NCAM2: variants seen among roughly 807,000 people sequenced by gnomAD.
NCAM2 encodes N-CAM-2.
In NCAM2, 30 loss-of-function variants were observed where a neutral mutation model predicts 98.1. The observed-to-expected ratio is 0.31, with a 90% CI of 0.23 to 0.41. The LOEUF is 0.41. Among genes scored for constraint, NCAM2 ranks in the 10% least tolerant of loss-of-function variants. The probability of loss-of-function intolerance (pLI) is 1.00; values close to 1 mark genes in which losing one functional copy is unlikely to be tolerated. For synonymous variants in NCAM2, 368 were observed against 342.4 expected, an observed-to-expected ratio of 1.07 and a Z score of -0.83; for missense variants, 867 against 1,005.8, an observed-to-expected ratio of 0.86 and a Z score of 1.87.
intron 6 of NCAM2, among the ~76,000 whole-genome samples, chr21:21,331,517 C>CTCTCTCTCTATATATATATA (rs1483062198): frequency 5.6e-3 from 39 of 6,940 alleles, no homozygotes; most frequent in African/African-American, 0.021. Flanking sequence ...CTCTCTCTCT[C>CTCTCTCTCTATATATATATA]TATATATATA....
intron 11 of NCAM2, among the ~76,000 whole-genome samples, chr21:21,420,470 T>C (rs1284673291): frequency 2.0e-5 from 3 of 152,012 alleles, no homozygotes; most frequent in African/African-American, 7.2e-5. Context: ...TAAAGTAATA[T>C]CAGAAAATTA....
intron 1 of NCAM2, among the ~76,000 whole-genome samples, chr21:21,090,527 CA>C (rs1463034296): frequency 6.6e-6 from 1 of 152,156 alleles, no homozygotes; most frequent in Non-Finnish European, 1.5e-5. Context: ...ACTTCCTTTT[CA>C]AGAAATATCC....
intron 1 of NCAM2, among the ~76,000 whole-genome samples, chr21:21,209,004 C>CA (rs2069545879): frequency 6.6e-6 from 1 of 152,034 alleles, no homozygotes; most frequent in African/African-American, 2.4e-5. Context: ...ATTGATGCCT[C>CA]ATCTGTGTTG....
At chr21:21,307,072 T>TC (rs2073903133) in intron 5 of NCAM2, among the ~76,000 whole-genome samples, 1 of 151,704 alleles carries the variant, frequency 6.6e-6, no homozygotes, top group Non-Finnish European at 1.5e-5. Flanking sequence ...GTTGTGGTTT[T>TC]TTAATCCATT....
Position 21,257,901 on chromosome 21 carries a change from G to T in NCAM2, c.56-22677G>T, listed in dbSNP as rs189317373. The stretch of plus-strand genomic sequence containing the variant: ...GGGCCCCCAATGTTGATTGTTATGT[G>T]ATTGGTCTACTCACACACGTATGGT... On this transcript the variant is annotated intron_variant, in intron 1 of 17. Transcript: ENST00000400546. 3.9e-5 allele frequency among the ~76,000 whole-genome samples: 6 copies of T among 152,278 alleles called. No individual in the cohort carries two copies. In the East Asian group the frequency reaches 9.7e-4, roughly 25 times the overall value.
intron 1 of NCAM2, among the ~76,000 whole-genome samples, chr21:21,110,690 A>C (rs767127896): frequency 6.6e-6 from 1 of 151,634 alleles, no homozygotes. Flanking sequence ...GATTTTATTA[A>C]AACAATTATT....
At chr21:21,391,645 A>C (rs535448639) in intron 9 of NCAM2, among the ~76,000 whole-genome samples, 1 of 152,228 alleles carries the variant, frequency 6.6e-6, no homozygotes, top group African/African-American at 2.4e-5. Flanking sequence ...CAACACTAAC[A>C]TGTCTTCTCT....
At chr21:21,514,246 C>G (rs1453276328) in intron 16 of NCAM2, among the ~76,000 whole-genome samples, 1 of 150,972 alleles carries the variant, frequency 6.6e-6, no homozygotes, top group African/African-American at 2.4e-5. Flanking sequence ...GAGGCTGAGG[C>G]GGGTGGATCA....
intron 1 of NCAM2, among the ~76,000 whole-genome samples, chr21:21,060,723 C>A (rs2065303846): frequency 6.6e-6 from 1 of 152,030 alleles, no homozygotes; most frequent in Non-Finnish European, 1.5e-5. Context: ...GACATTTACC[C>A]ACACATATAG....
chr21:21,238,290 A>G (rs1304340603), intron 1 of NCAM2, among the ~76,000 whole-genome samples: 1 of 152,034 alleles, frequency 6.6e-6, no homozygotes, highest in Non-Finnish European at 1.5e-5. Flanking sequence ...TTGCCTTAAG[A>G]ACTGATTATT....
intron 1 of NCAM2, among the ~76,000 whole-genome samples, chr21:21,147,450 C>A (rs1341053457): frequency 6.6e-6 from 1 of 151,732 alleles, no homozygotes; most frequent in Non-Finnish European, 1.5e-5. Context: ...TGCCCTGTCC[C>A]CTAGGCTGGA....
chr21:21,442,761 G>T (rs186432348), intron 12 of NCAM2, among the ~76,000 whole-genome samples: 12 of 152,236 alleles, frequency 7.9e-5, no homozygotes. Flanking sequence ...ATATAATAAT[G>T]AGTTACCTAA....
chr21:21,398,091 A>T (rs2076552795), intron 9 of NCAM2, among the ~76,000 whole-genome samples: 1 of 152,236 alleles, frequency 6.6e-6, no homozygotes, highest in Non-Finnish European at 1.5e-5. Context: ...CATATGAAGG[A>T]ACAAAATAAT....
chr21:21,120,511 G>A (rs1231516252), intron 1 of NCAM2, among the ~76,000 whole-genome samples: 1 of 152,026 alleles, frequency 6.6e-6, no homozygotes, highest in African/African-American at 2.4e-5. Context: ...GCAGCATGGG[G>A]TAGATTCGAA....
chr21:21,297,218 G>A (rs886950527), intron 5 of NCAM2, among the ~76,000 whole-genome samples: 3 of 151,608 alleles, frequency 2.0e-5, no homozygotes, highest in African/African-American at 7.3e-5. Context: ...AAATGAGTAA[G>A]GACGTGCATA....
intron 1 of NCAM2, among the ~76,000 whole-genome samples, chr21:21,215,699 G>A (rs1184729228): frequency 6.6e-6 from 1 of 152,076 alleles, no homozygotes; most frequent in African/African-American, 2.4e-5. Flanking sequence ...CTGCACTGCA[G>A]CCTAGGCGAC....
At chr21:21,282,162 T>A (rs1316012724) in intron 2 of NCAM2, among the ~76,000 whole-genome samples, 1 of 151,896 alleles carries the variant, frequency 6.6e-6, no homozygotes, top group African/African-American at 2.4e-5. Context: ...CCATATTTTA[T>A]TAATATCCTC....
intron 1 of NCAM2, among the ~76,000 whole-genome samples, chr21:21,065,382 G>A (rs75856502): frequency 6.6e-6 from 1 of 151,598 alleles, no homozygotes; most frequent in Non-Finnish European, 1.5e-5. Context: ...TTTATTGCTT[G>A]TACTTATATC....
intron 1 of NCAM2, among the ~76,000 whole-genome samples, chr21:21,191,462 C>T (rs973689798): frequency 6.6e-6 from 1 of 152,114 alleles, no homozygotes; most frequent in African/African-American, 2.4e-5. Flanking sequence ...CTTTTCTTAG[C>T]ACAAACTTAC....
Sources: gnomAD v4.1 joint callset for allele counts (sites outside exome capture counted in the v4.1 genomes callset) on GRCh38, gnomAD v4.1.1 for gene constraint, MANE v1.5 for transcripts, NCBI Gene and HGNC (gene_info 2026-07-23, HGNC 2026-07-21) for gene names.